The following PHLPP1 variants were observed in gnomAD, a reference collection of about 807,000 sequenced individuals.
PHLPP1 encodes the protein PH domain leucine-rich repeat-containing protein phosphatase 1.
In PHLPP1, 42 loss-of-function variants were observed where a neutral mutation model predicts 117.2. That is an observed-to-expected ratio of 0.36 (90% confidence interval 0.28 to 0.46). The LOEUF (loss-of-function observed/expected upper bound fraction) is 0.46. Among genes scored for constraint, PHLPP1 ranks in the 20% least tolerant of loss-of-function variants. The pLI, the probability that PHLPP1 is intolerant of heterozygous loss-of-function variation, is 1.00. For synonymous variants in PHLPP1, 1,042 were observed against 970.7 expected (o/e 1.07, Z -1.37); for missense variants, 2,084 against 2,241.9 (o/e 0.93, Z 1.42).
chr18:62,817,042 G>A (rs1244214680), intron 1 of PHLPP1, among the ~76,000 whole-genome samples: 1 of 152,164 alleles, frequency 6.6e-6, no homozygotes, highest in Non-Finnish European at 1.5e-5. Flanking sequence ...CCTGGGCTCA[G>A]ATGATCCTGC....
intron 14 of PHLPP1, among the ~76,000 whole-genome samples, chr18:62,967,247 C>T (rs948685435): frequency 8.5e-5 from 13 of 152,130 alleles, no homozygotes; most frequent in Non-Finnish European, 1.9e-4. Context: ...TTTCATTTCT[C>T]TTGGAGAAAT....
rs768651290 is a variant in PHLPP1, at chr18:62,845,048, TGTAGGGAA to T, written c.1899+6140_1899+6147del. ...CTTCAACATTGTCCCAGTTCTCTTG[TGTAGGGAA>T]AAGGAAAAGGCACAGCATGACCTCT... On this transcript the variant is annotated intron_variant, in intron 3 of 16. Coordinates refer to ENST00000262719, the MANE Select transcript of PHLPP1 (RefSeq NM_194449.4). Among the ~76,000 whole-genome samples the T allele has an allele frequency of 1.9e-3, 288 of 152,268 alleles. 3 individuals carry two copies. Among genetic ancestry groups the T allele is most frequent in the Middle Eastern group, 6.8e-3 (2 of 294 alleles).
chr18:62,803,630 A>G (rs1913849892), intron 1 of PHLPP1, among the ~76,000 whole-genome samples: 1 of 152,210 alleles, frequency 6.6e-6, no homozygotes, highest in African/African-American at 2.4e-5. Flanking sequence ...TTTCCTACCT[A>G]ATTACAAATA....
chr18:62,963,792 C>G (rs1910831400), intron 14 of PHLPP1, among the ~76,000 whole-genome samples: 1 of 152,202 alleles, frequency 6.6e-6, no homozygotes. Context: ...TGAAAAGCTC[C>G]TTTATCTTCC....
Position 62,975,462 on chromosome 18 carries a change from C to CT in PHLPP1, c.3822dup (p.Val1275CysfsTer13). ...GTCCTTTGTCATATCAAGCATGACC[C>CT]TGTGGATCCAGGAGGATCCTTCACC... is the stretch of plus-strand genomic sequence containing the variant. On this transcript the variant is annotated frameshift_variant, in exon 16 of 17. Coordinates refer to ENST00000262719, the MANE Select transcript of PHLPP1 (RefSeq NM_194449.4). LOFTEE classifies it high-confidence loss of function. The CT allele has an allele frequency of 1.2e-6, 2 of 1,613,778 alleles. No homozygotes were observed. The highest frequency in any genetic ancestry group is 8.5e-7 in the Non-Finnish European group (1 of 1,179,714).
chr18:62,717,917 T>A (rs1260615114), intron 1 of PHLPP1, among the ~76,000 whole-genome samples: 5 of 152,210 alleles, frequency 3.3e-5, no homozygotes. Flanking sequence ...ATTTTGCCTG[T>A]TTCTCTCATT....
chr18:62,929,053 A>C (rs1909730274), intron 10 of PHLPP1, among the ~76,000 whole-genome samples: 1 of 152,230 alleles, frequency 6.6e-6, no homozygotes, highest in African/African-American at 2.4e-5. Flanking sequence ...TTGTGGAATT[A>C]TATGGTGGTG....
chr18:62,948,196 A>G (rs492022), intron 12 of PHLPP1, among the ~76,000 whole-genome samples: 62,013 of 151,264 alleles, frequency 0.41, 12,882 homozygotes, highest in East Asian at 0.63. Context: ...GTGGTGGCAC[A>G]TTCCTGTAGT....
chr18:62,722,534 C>T (rs1374482508), intron 1 of PHLPP1, among the ~76,000 whole-genome samples: 1 of 152,122 alleles, frequency 6.6e-6, no homozygotes, highest in African/African-American at 2.4e-5. Context: ...TAAACCCATT[C>T]CATCCCTTTA....
chr18:62,874,690 C>T (rs905316810), intron 4 of PHLPP1, among the ~76,000 whole-genome samples: 1 of 147,152 alleles, frequency 6.8e-6, no homozygotes, highest in African/African-American at 2.7e-5. Flanking sequence ...CACACACACA[C>T]ACTCTCGCTC....
At chr18:62,753,206 T>A (rs1196365776) in intron 1 of PHLPP1, among the ~76,000 whole-genome samples, 2 of 152,226 alleles carry the variant, frequency 1.3e-5, no homozygotes, top group African/African-American at 4.8e-5. Context: ...TTTATTATGG[T>A]TAAGGATGTT....
In PHLPP1 at chr18:62,838,775, C is replaced by T; in HGVS notation, c.1774-9C>T. 1 of 1,613,436 alleles carries T rather than the reference C, an allele frequency of 6.2e-7. No individual in the cohort carries two copies. The highest frequency in any genetic ancestry group is 1.3e-5 in the African/African-American group (1 of 75,002). ...ACTTGTTTCTGCTTCTCTCTGTTTG[C>T]TTTTATAGGTAGAAGAAGTGAAAAA... On this transcript the variant is annotated splice_polypyrimidine_tract_variant and intron_variant, in intron 2 of 16. Transcript: ENST00000262719.
In PHLPP1 at chr18:62,715,867, G is replaced by A. The variant is rs1273986894; in HGVS notation, c.184G>A (p.Gly62Ser). 4.9e-6 allele frequency: 4 copies of A among 818,038 alleles called. No homozygotes were observed. Among genetic ancestry groups the A allele is most frequent in the Non-Finnish European group, 5.9e-6 (4 of 677,946 alleles). The allele number at this position is 818,038 out of a possible 1,614,324, so 50.7% of individuals were successfully genotyped here. A position where few individuals can be genotyped will look rare whatever the true frequency, so the allele number is the denominator to read the frequency against. Reference protein sequence around the residue: ...EPALTPAAPSGGNGSGSGARE... With the variant: ...EPALTPAAPSSGNGSGSGARE... ...CGCGCTGACCCCGGCGGCCCCGAGC[G>A]GCGGGAACGGCAGCGGCAGCGGGGC... Residue 62 changes from glycine to serine, a missense_variant, in exon 1 of 17, where the codon GGC (glycine) becomes AGC (serine). Gly to Ser is a moderately conservative substitution (Grantham distance 56, BLOSUM62 0). Around this residue, in one of 2 missense-constraint regions of PHLPP1, gnomAD observed 719 missense variants for 636.0 expected, o/e 1.13. Transcript: ENST00000262719.
At chr18:62,942,775 T>C (rs902129821) in intron 11 of PHLPP1, among the ~76,000 whole-genome samples, 3 of 152,022 alleles carry the variant, frequency 2.0e-5, no homozygotes, top group Non-Finnish European at 2.9e-5. Context: ...CAACTCAGCA[T>C]TGGGGCCAAA....
At position 62,958,667 on chromosome 18, in the gene PHLPP1, A is replaced by G; in HGVS notation, c.3363A>G (p.Thr1121=). ...DLSCNELSEV[T]LPENLPPKLQ... ...GCTGTAATGAGCTAAGTGAAGTCAC[A>G]TTACCAGAAAACCTGCCTCCCAAAC... Residue 1121 remains threonine, a synonymous_variant, in exon 13 of 17, where the codon ACA becomes ACG. Coordinates refer to ENST00000262719, the MANE Select transcript of PHLPP1 (RefSeq NM_194449.4). The G allele has an allele frequency of 6.2e-7, 1 of 1,613,970 alleles. No individual in the cohort carries two copies. Among genetic ancestry groups the G allele is most frequent in the South Asian group, 1.1e-5 (1 of 91,076 alleles).
chr18:62,745,479 A>G (rs918533201), intron 1 of PHLPP1, among the ~76,000 whole-genome samples: 3 of 152,212 alleles, frequency 2.0e-5, no homozygotes, highest in African/African-American at 7.2e-5. Context: ...GTACTATTAA[A>G]AGTGAGGTGT....
At chr18:62,757,183 A>G (rs1912052979) in intron 1 of PHLPP1, among the ~76,000 whole-genome samples, 1 of 152,250 alleles carries the variant, frequency 6.6e-6, no homozygotes, top group Non-Finnish European at 1.5e-5. Context: ...ACAAGGCCTC[A>G]ATACATAATC....
intron 9 of PHLPP1, among the ~76,000 whole-genome samples, chr18:62,915,669 T>A (rs683109): frequency 0.44 from 67,329 of 152,104 alleles, 15,381 homozygotes; most frequent in Middle Eastern, 0.56. Context: ...TTAGTGGACT[T>A]TTAGTGACTA....
Position 62,716,395 on chromosome 18 carries a change from G to A in PHLPP1, c.712G>A (p.Gly238Ser). The stretch of plus-strand genomic sequence containing the variant: ...GGTGGCCGCCCGCCTGCTGCAGCTG[G>A]GCCACAAAGGCGGCGGCGTGGTGAA... ...GEVAARLLQL[G>S]HKGGGVVKVL... The change falls in exon 1 of 17, where the codon GGC becomes AGC. Residue 238 changes from glycine to serine, a missense_variant. Gly to Ser is a moderately conservative substitution (Grantham distance 56, BLOSUM62 0). This residue lies in a region of PHLPP1 where 719 missense variants were observed against 636.0 expected (regional missense o/e 1.13). Coordinates refer to ENST00000262719, the MANE Select transcript of PHLPP1 (RefSeq NM_194449.4). The surrounding 1 kb of genome is among the most constrained non-coding windows in gnomAD (Gnocchi z 5.7). 4.1e-6 allele frequency: 6 copies of A among 1,480,722 alleles called. No homozygotes were observed. The highest frequency in any genetic ancestry group is 5.4e-6 in the Non-Finnish European group (6 of 1,120,100). The allele number at this position is 1,480,722 out of a possible 1,614,324, so 91.7% of individuals were successfully genotyped here.
Sources: allele counts gnomAD v4.1 joint callset (sites outside exome capture counted in the v4.1 genomes callset), GRCh38; gene constraint gnomAD v4.1.1; regional missense constraint gnomAD v4.1.1; non-coding constraint Gnocchi (gnomAD v3.1); transcripts MANE v1.5; gene names NCBI Gene and HGNC (gene_info 2026-07-23, HGNC 2026-07-21).